CDH18: variants seen among roughly 807,000 people sequenced by gnomAD.
The protein encoded by CDH18 is cadherin 18.
A neutral mutation model predicts 67.9 loss-of-function variants in CDH18; 31 were observed. The observed-to-expected ratio is 0.46, with a 90% CI of 0.34 to 0.62. The LOEUF (loss-of-function observed/expected upper bound fraction) is 0.62. Ranked by LOEUF, CDH18 falls within the 20% of genes least tolerant of loss-of-function variation. The pLI is 0.01. For missense variants in CDH18, 890 were observed against 975.5 expected (o/e 0.91, Z 1.17); for synonymous variants, 362 against 347.2 (o/e 1.04, Z -0.48).
intron 5 of CDH18, among the ~76,000 whole-genome samples, chr5:19,658,461 A>AT (rs1756710821): frequency 6.6e-6 from 1 of 152,078 alleles, no homozygotes; most frequent in South Asian, 2.1e-4. Flanking sequence ...ACAGTATTCT[A>AT]TTTCCAATAC....
intron 3 of CDH18, among the ~76,000 whole-genome samples, chr5:19,757,648 A>C (rs964173362): frequency 3.3e-5 from 5 of 152,102 alleles, no homozygotes; most frequent in Non-Finnish European, 5.9e-5. Flanking sequence ...ATGGAGTACA[A>C]ATGTCTTCAG....
intron 2 of CDH18, among the ~76,000 whole-genome samples, chr5:19,993,910 GC>G (rs2150389208): frequency 6.6e-6 from 1 of 152,178 alleles, no homozygotes; most frequent in South Asian, 2.1e-4. Context: ...CAGATACTGT[GC>G]CCTTAATTAT....
In CDH18 at chr5:20,480,228, C is replaced by T. The variant is rs1418057210; in HGVS notation, c.-580+95234G>A. On this transcript the variant is annotated intron_variant, in intron 1 of 14. Transcript: ENST00000507958. ...ACACTGGCAATAGTAAGTACACAGA[C>T]AAATACAGAAAATTATAACACTGAA... Among the ~76,000 whole-genome samples, 4 of 152,058 alleles carry T rather than the reference C, an allele frequency of 2.6e-5. No homozygotes were observed. The East Asian group carries it at 7.7e-4, about 29-fold the overall frequency.
At position 20,393,379 on chromosome 5, in the gene CDH18, AG is replaced by A. The variant is rs928164878; in HGVS notation, c.-579-137875del. On this transcript the variant is annotated intron_variant, in intron 1 of 14. Transcript: ENST00000507958. ...CTGTGACATAGAATATGTTAATGAA[AG>A]GGTTTTGTTGTTGTTATTTTTTAAA... Among the ~76,000 whole-genome samples the A allele has an allele frequency of 1.1e-3, 172 of 152,082 alleles. 3 individuals are homozygous for A. Among genetic ancestry groups the A allele is most frequent in the Non-Finnish European group, 2.1e-4 (14 of 67,896 alleles).
chr5:19,652,116 ATTAC>A (rs1361624559), intron 5 of CDH18, among the ~76,000 whole-genome samples: 1 of 151,878 alleles, frequency 6.6e-6, no homozygotes, highest in Non-Finnish European at 1.5e-5. Context: ...CATTAATGTT[ATTAC>A]TTAAATTTTT....
At chr5:19,752,482 C>A (rs1210683835) in intron 3 of CDH18, among the ~76,000 whole-genome samples, 1 of 152,054 alleles carries the variant, frequency 6.6e-6, no homozygotes, top group Non-Finnish European at 1.5e-5. Context: ...ACTCCATTGA[C>A]CTGGAAATCT....
At chr5:20,304,499 C>G (rs1048234549) in intron 1 of CDH18, 2 of 1,596,768 alleles carry the variant, frequency 1.3e-6, no homozygotes, top group South Asian at 1.1e-5. Flanking sequence ...TGGTTTAGTG[C>G]GAAATGGTGA....
chr5:19,491,197 C>T lies in CDH18; in HGVS notation c.1631-7645G>A, dbSNP rs116381056. Among the ~76,000 whole-genome samples, 854 of 152,260 alleles carry T rather than the reference C, an allele frequency of 5.6e-3. 9 individuals carry two copies. Among genetic ancestry groups the T allele is most frequent in the African/African-American group, 0.019 (797 of 41,532 alleles). On this transcript the variant is annotated intron_variant, in intron 11 of 12. Coordinates refer to ENST00000382275, the MANE Select transcript of CDH18 (RefSeq NM_004934.5). ...GAATAAAATCCATGTGTTCCAACCT[C>T]GTCCCTGACCTTAGATAACTGACTC...
chr5:20,519,188 C>T (rs1755567142), intron 1 of CDH18, among the ~76,000 whole-genome samples: 1 of 152,096 alleles, frequency 6.6e-6, no homozygotes, highest in South Asian at 2.1e-4. Context: ...ATGACAAAGA[C>T]ACTTTCCTAC....
intron 4 of CDH18, among the ~76,000 whole-genome samples, chr5:19,721,819 T>A (rs1269577397): frequency 1.3e-5 from 2 of 152,162 alleles, no homozygotes; most frequent in East Asian, 3.9e-4. Flanking sequence ...AATTTTGCAG[T>A]TAAATCAGAG....
intron 2 of CDH18, among the ~76,000 whole-genome samples, chr5:20,034,953 G>A (rs1298853190): frequency 8.6e-5 from 13 of 152,014 alleles, no homozygotes; most frequent in Admixed American, 7.9e-4. Flanking sequence ...ATTAAAGCAT[G>A]TAAGGTTGAC....
intron 5 of CDH18, among the ~76,000 whole-genome samples, chr5:19,715,452 A>G (rs1765229165): frequency 6.6e-6 from 1 of 152,156 alleles, no homozygotes; most frequent in African/African-American, 2.4e-5. Context: ...TGTTTCAGAC[A>G]GAGCATGGCA....
chr5:20,354,723 C>A (rs1561997812), intron 1 of CDH18, among the ~76,000 whole-genome samples: 1 of 152,138 alleles, frequency 6.6e-6, no homozygotes, highest in African/African-American at 2.4e-5. Flanking sequence ...AACTCCTAAG[C>A]TTTTCAATCC....
At chr5:20,573,785 C>T in intron 1 of CDH18, among the ~76,000 whole-genome samples, 1 of 132,186 alleles carries the variant, frequency 7.6e-6, no homozygotes, top group Non-Finnish European at 1.6e-5. Flanking sequence ...CATTTGTCCC[C>T]CAAATATAAT....
chr5:19,838,206 T>G (rs981436662), intron 3 of CDH18, among the ~76,000 whole-genome samples: 4 of 152,146 alleles, frequency 2.6e-5, no homozygotes, highest in African/African-American at 9.6e-5. Flanking sequence ...AACTTTGGGT[T>G]TTGAAAAATA....
chr5:20,336,004 G>A (rs1739693289), intron 1 of CDH18, among the ~76,000 whole-genome samples: 1 of 152,190 alleles, frequency 6.6e-6, no homozygotes, highest in Non-Finnish European at 1.5e-5. Context: ...ATAATGGTGA[G>A]TATAATGAAT....
intron 5 of CDH18, among the ~76,000 whole-genome samples, chr5:19,720,712 G>A (rs1765976898): frequency 1.3e-5 from 2 of 151,832 alleles, no homozygotes; most frequent in Non-Finnish European, 2.9e-5. Context: ...AATATGTTTT[G>A]GCCAGTAAAA....
At chr5:20,477,250 A>G (rs1004552955) in intron 1 of CDH18, among the ~76,000 whole-genome samples, 1 of 152,156 alleles carries the variant, frequency 6.6e-6, no homozygotes, top group Non-Finnish European at 1.5e-5. Context: ...ATGGCCAAAT[A>G]GAAGCTGCAG....
intron 1 of CDH18, among the ~76,000 whole-genome samples, chr5:20,403,819 G>A (rs551560794): frequency 3.3e-5 from 5 of 152,154 alleles, no homozygotes; most frequent in East Asian, 3.9e-4. Context: ...AGTGAGAGTC[G>A]GCCTGTTCTT....
Sources: allele counts gnomAD v4.1 joint callset (sites outside exome capture counted in the v4.1 genomes callset), GRCh38; gene constraint gnomAD v4.1.1; transcripts MANE v1.5; gene names NCBI Gene and HGNC (gene_info 2026-07-23, HGNC 2026-07-21).